OR14A2: variants seen among roughly 807,000 people sequenced by gnomAD.
The protein encoded by OR14A2 is olfactory receptor 14A2.
For synonymous variants in OR14A2, 114 were observed against 58.6 expected, an observed-to-expected ratio of 1.95 and a Z score of -4.32; for missense variants, 237 against 152.9, an observed-to-expected ratio of 1.55 and a Z score of -2.90.
the OR14A2 span, chr1:247,746,508 G>C: frequency 6.6e-6 from 1 of 152,192 alleles, no homozygotes; most frequent in African/African-American, 2.4e-5. Flanking sequence ...CTGGGATACA[G>C]CTGAGTAAGC....
the OR14A2 span, among the ~76,000 whole-genome samples, chr1:247,743,792 G>A: frequency 6.6e-6 from 1 of 151,998 alleles, no homozygotes; most frequent in African/African-American, 2.4e-5. Context: ...CTGTCTTCAT[G>A]GAAACATAAG....
At chr1:247,747,106 A>T in the OR14A2 span, 1 of 152,224 alleles carries the variant, frequency 6.6e-6, no homozygotes, top group Non-Finnish European at 1.5e-5. Context: ...ATATAATTTA[A>T]AAAACATCTT....
chr1:247,741,605 A>T, the OR14A2 span, among the ~76,000 whole-genome samples: 1 of 152,244 alleles, frequency 6.6e-6, no homozygotes, highest in South Asian at 2.1e-4. Flanking sequence ...TCACACAAGT[A>T]TGCATATGTT....
At chr1:247,727,419 T>G (rs145252869), upstream of OR14A2, among the ~76,000 whole-genome samples, 8,144 of 152,064 alleles carry the variant, frequency 0.054, 318 homozygotes, top group East Asian at 0.22. Context: ...CTTATCAGCT[T>G]AAGGAGATTT....
At chr1:247,747,858 T>A in the OR14A2 span, among the ~76,000 whole-genome samples, 1 of 152,170 alleles carries the variant, frequency 6.6e-6, no homozygotes, top group African/African-American at 2.4e-5. Context: ...AAGATTTCAT[T>A]TGTAGTACTT....
At chr1:247,742,179 A>G in the OR14A2 span, among the ~76,000 whole-genome samples, 6 of 152,242 alleles carry the variant, frequency 3.9e-5, no homozygotes, top group East Asian at 9.6e-4. Flanking sequence ...TTATTATTTT[A>G]TTTCAAATAC....
chr1:247,742,191 A>G, the OR14A2 span, among the ~76,000 whole-genome samples: 1 of 152,186 alleles, frequency 6.6e-6, no homozygotes, highest in Non-Finnish European at 1.5e-5. Context: ...TTCAAATACC[A>G]TGTAATTTTT....
At chr1:247,736,357 A>T in the OR14A2 span, among the ~76,000 whole-genome samples, 1 of 152,086 alleles carries the variant, frequency 6.6e-6, no homozygotes, top group East Asian at 1.9e-4. Context: ...TGTGTATTAT[A>T]TGTATTTTCC....
the OR14A2 span, chr1:247,746,597 C>G: frequency 6.6e-6 from 1 of 152,248 alleles, no homozygotes; most frequent in East Asian, 1.9e-4. Flanking sequence ...ATCCAGCCCC[C>G]ACCCTTGTGT....
the OR14A2 span, chr1:247,739,048 T>A: frequency 1.3e-6 from 1 of 780,816 alleles, no homozygotes; most frequent in Non-Finnish European, 2.4e-6. Flanking sequence ...TTGATGGCTC[T>A]GTCCTGGCTC....
chr1:247,732,242 A>G, the OR14A2 span, among the ~76,000 whole-genome samples: 10 of 152,164 alleles, frequency 6.6e-5, no homozygotes, highest in African/African-American at 2.4e-4. Context: ...CTGGCGCCCC[A>G]GTCCAGAAAA....
chr1:247,735,512 A>C, the OR14A2 span, among the ~76,000 whole-genome samples: 1 of 152,230 alleles, frequency 6.6e-6, no homozygotes, highest in Admixed American at 6.5e-5. Flanking sequence ...ATCACGTCTC[A>C]GATCTGAGGT....
At chr1:247,735,054 G>T in the OR14A2 span, among the ~76,000 whole-genome samples, 1 of 152,196 alleles carries the variant, frequency 6.6e-6, no homozygotes, top group Non-Finnish European at 1.5e-5. Context: ...TGAACTCGTA[G>T]GATGCTCATG....
chr1:247,724,103 A>G, upstream of OR14A2: 1 of 628,814 alleles, frequency 1.6e-6, no homozygotes. Flanking sequence ...AATAAAGGAG[A>G]AAAAAATTAA....
At chr1:247,744,516 G>A in the OR14A2 span, among the ~76,000 whole-genome samples, 3 of 152,058 alleles carry the variant, frequency 2.0e-5, no homozygotes, top group East Asian at 3.9e-4. The surrounding 1 kb of genome is among the most constrained non-coding windows in gnomAD (Gnocchi z 4.3). Context: ...ATTCTCTGAG[G>A]TTTCTTAATT....
the OR14A2 span, among the ~76,000 whole-genome samples, chr1:247,731,883 G>A: frequency 6.6e-6 from 1 of 152,004 alleles, no homozygotes; most frequent in Non-Finnish European, 1.5e-5. Context: ...TCACATCTTA[G>A]TGGGTTTAAT....
At chr1:247,735,037 G>C in the OR14A2 span, among the ~76,000 whole-genome samples, 2 of 152,156 alleles carry the variant, frequency 1.3e-5, no homozygotes, top group African/African-American at 4.8e-5. Context: ...TGCTTCCAAG[G>C]GAAGCCTGAA....
chr1:247,723,794 G>T (rs1660264497), exon 1 of OR14A2: 1 of 717,994 alleles, frequency 1.4e-6, no homozygotes, highest in African/African-American at 1.7e-5. Context: ...TTGTGGGTTA[G>T]GTTGTTGACA....
At chr1:247,738,927 C>T in the OR14A2 span, 2 of 780,700 alleles carry the variant, frequency 2.6e-6, no homozygotes, top group Non-Finnish European at 4.8e-6. Context: ...GGTGGTACTG[C>T]TGGCTGGATC....
Sources: gnomAD v4.1 joint callset for allele counts (sites outside exome capture counted in the v4.1 genomes callset) on GRCh38, gnomAD v4.1.1 for gene constraint, Gnocchi (gnomAD v3.1) non-coding constraint, MANE v1.5 for transcripts, NCBI Gene and HGNC (gene_info 2026-07-23, HGNC 2026-07-21) for gene names.